Variants in ARID5B observed in about 807,000 individuals in gnomAD.
ARID5B encodes the protein AT-rich interaction domain 5B, also known as AT-rich interactive domain-containing protein 5B.
Under a neutral mutation model 97.2 loss-of-function variants are expected in ARID5B, and 13 were observed. The observed-to-expected ratio is 0.13, with a 90% CI of 0.09 to 0.21. The LOEUF is 0.21. Among genes scored for constraint, ARID5B ranks in the 10% least tolerant of loss-of-function variants. The pLI, the probability that ARID5B is intolerant of heterozygous loss-of-function variation, is 1.00. For synonymous variants in ARID5B, 556 were observed against 570.3 expected (o/e 0.97, Z 0.36); for missense variants, 1,210 against 1,465.3 (o/e 0.83, Z 2.84).
At chr10:62,034,190 T>C (rs1307748622) in intron 4 of ARID5B, among the ~76,000 whole-genome samples, 1 of 152,230 alleles carries the variant, frequency 6.6e-6, no homozygotes, top group Non-Finnish European at 1.5e-5. Flanking sequence ...TATAGCAGTT[T>C]ATTATTATAA....
chr10:61,975,874 G>A (rs1838692013), intron 3 of ARID5B, among the ~76,000 whole-genome samples: 2 of 152,090 alleles, frequency 1.3e-5, no homozygotes, highest in African/African-American at 4.8e-5. Context: ...TTTGAGTATG[G>A]AAACAATTTT....
intron 3 of ARID5B, among the ~76,000 whole-genome samples, chr10:61,952,319 T>C (rs1054883389): frequency 4.6e-5 from 7 of 152,252 alleles, no homozygotes; most frequent in African/African-American, 1.7e-4. Flanking sequence ...CTGAAGCCCT[T>C]CTCAGCCTTC....
At chr10:62,040,472 G>T (rs1023549861) in intron 4 of ARID5B, among the ~76,000 whole-genome samples, 3 of 151,974 alleles carry the variant, frequency 2.0e-5, no homozygotes, top group Non-Finnish European at 4.4e-5. Flanking sequence ...GATTATTCTA[G>T]CTTCAGATGT....
chr10:61,949,504 G>A lies in ARID5B; in HGVS notation c.502+9096G>A, dbSNP rs1202086697. Reference sequence around the variant, plus strand: ...AATACAAAATTAGACGGGTATGGTAGCACACATCCATAATCCCAGCTACTT... The same window carrying A: ...AATACAAAATTAGACGGGTATGGTAACACACATCCATAATCCCAGCTACTT... On this transcript the variant is annotated intron_variant, in intron 3 of 9. Coordinates refer to ENST00000279873, the MANE Select transcript of ARID5B (RefSeq NM_032199.3). Among the ~76,000 whole-genome samples the A allele has an allele frequency of 2.0e-5, 3 of 152,158 alleles. No homozygotes were observed. In the East Asian group the frequency reaches 5.8e-4, roughly 29 times the overall value.
rs144290238 is a variant in ARID5B at position 61,901,713 on chromosome 10, G to C, written c.4G>C (p.Glu2Gln). The C allele has an allele frequency of 5.0e-5, 80 of 1,613,754 alleles. No homozygotes were observed. Among genetic ancestry groups the C allele is most frequent in the Non-Finnish European group, 6.1e-5 (72 of 1,179,970 alleles). Reference protein sequence around the residue: MEPNSLQWVGSP... With the variant: MQPNSLQWVGSP... ...TCAATCAATTCAGAACGTCGAGATG[G>C]AGCCCAACTCACTCCAGGTATTTCG... The change falls in exon 1 of 10, where the codon GAG becomes CAG. Residue 2 changes from glutamate (E) to glutamine (Q), a missense_variant. Physicochemically the swap from Glu to Gln is conservative, Grantham distance 29. Around this residue, in one of 8 missense-constraint regions of ARID5B, gnomAD observed 80 missense variants for 133.2 expected, o/e 0.60. Coordinates refer to ENST00000279873, the MANE Select transcript of ARID5B (RefSeq NM_032199.3).
chr10:62,087,298 CAAAAAAAA>C (rs71299289), intron 9 of ARID5B, among the ~76,000 whole-genome samples: 38 of 40,932 alleles, frequency 9.3e-4, no homozygotes, highest in African/African-American at 3.7e-3. Flanking sequence ...GACTCTATCT[CAAAAAAAA>C]AAAAAAAAAA....
chr10:62,010,349 T>G (rs774470429), intron 4 of ARID5B, among the ~76,000 whole-genome samples: 7 of 152,178 alleles, frequency 4.6e-5, no homozygotes, highest in Non-Finnish European at 1.0e-4. Flanking sequence ...TTCAAAGATG[T>G]TTTTCCCCCT....
At chr10:62,002,594 C>A (rs1839094179) in intron 4 of ARID5B, among the ~76,000 whole-genome samples, 1 of 152,158 alleles carries the variant, frequency 6.6e-6, no homozygotes, top group Non-Finnish European at 1.5e-5. Context: ...CGGTCACAAC[C>A]TAAATTTCCA....
intron 9 of ARID5B, among the ~76,000 whole-genome samples, chr10:62,087,111 A>G (rs1840296458): frequency 6.6e-6 from 1 of 151,808 alleles, no homozygotes; most frequent in Non-Finnish European, 1.5e-5. Context: ...CATCCTGGCT[A>G]ATACGGTAAA....
Position 62,038,370 on chromosome 10 carries a change from T to TA in ARID5B, c.734-12505dup, listed in dbSNP as rs145509701. On this transcript the variant is annotated intron_variant, in intron 4 of 9. Transcript: ENST00000279873. ...TGTCAGAAACAAACTGTTCCTTATT[T>TA]AAAAAAAAAAAAAGAAAAGAAAAAA... Among the ~76,000 whole-genome samples, 531 of 142,232 alleles carry TA rather than the reference T, an allele frequency of 3.7e-3. 6 individuals are homozygous for TA. The highest frequency in any genetic ancestry group is 0.018 in the Admixed American group (264 of 14,278). The allele number at this position is 142,232 out of a possible 152,430, so 93.3% of individuals were successfully genotyped here.
chr10:61,981,743 G>C (rs189523563), intron 3 of ARID5B, among the ~76,000 whole-genome samples: 23 of 152,256 alleles, frequency 1.5e-4, no homozygotes, highest in Admixed American at 5.9e-4. Flanking sequence ...AGTTCCTCAA[G>C]TTTATGATCT....
chr10:62,083,626 T>A (rs1390886122), intron 8 of ARID5B, among the ~76,000 whole-genome samples: 1 of 152,250 alleles, frequency 6.6e-6, no homozygotes, highest in Non-Finnish European at 1.5e-5. Flanking sequence ...CAAATTGCTA[T>A]CATTGGAATA....
intron 2 of ARID5B, among the ~76,000 whole-genome samples, chr10:61,937,376 G>A (rs2132791872): frequency 6.6e-6 from 1 of 152,268 alleles, no homozygotes; most frequent in Non-Finnish European, 1.5e-5. Flanking sequence ...GTGACTTCTT[G>A]ACTGGATGAG....
intron 2 of ARID5B, among the ~76,000 whole-genome samples, chr10:61,917,391 A>G (rs1215420444): frequency 2.6e-5 from 4 of 152,076 alleles, no homozygotes. Context: ...CAGTGATGCC[A>G]TCTCGGCTCA....
At chr10:62,054,931 TC>T (rs1839835830) in intron 5 of ARID5B, among the ~76,000 whole-genome samples, 1 of 152,136 alleles carries the variant, frequency 6.6e-6, no homozygotes, top group African/African-American at 2.4e-5. Context: ...GCTAAATATC[TC>T]CCTTTTACAA....
chr10:61,908,799 C>CAAAAAA (rs369792859), intron 2 of ARID5B, among the ~76,000 whole-genome samples: 85 of 50,890 alleles, frequency 1.7e-3, no homozygotes, highest in East Asian at 3.3e-3. Flanking sequence ...GACTCCATCT[C>CAAAAAA]AAAAAAAAAA....
chr10:62,044,606 A>G (rs774185234), intron 4 of ARID5B, among the ~76,000 whole-genome samples: 4 of 152,112 alleles, frequency 2.6e-5, no homozygotes, highest in Admixed American at 6.5e-5. Flanking sequence ...TTCCCGGTCA[A>G]GCAATATTCC....
Position 61,940,387 on chromosome 10 carries a change from C to A in ARID5B, c.481C>A (p.Leu161Ile). 2 of 1,613,646 alleles carry A rather than the reference C, an allele frequency of 1.2e-6. No individual in the cohort carries two copies. The highest frequency in any genetic ancestry group is 2.2e-5 in the East Asian group (1 of 44,870). ...LNSGLNFKDV[L>I]KEKADLGEDE... is the part of the protein sequence containing the mutation. ...CAGTGGACTCAACTTCAAAGACGTT[C>A]TCAAGGAGAAGGCAGACCTGGGTAA... is the stretch of plus-strand genomic sequence containing the variant. The change falls in exon 3 of 10, where the codon CTC becomes ATC. Residue 161 changes from leucine to isoleucine, a missense_variant. By Grantham distance (5) the Leu-to-Ile change is conservative. Coordinates refer to ENST00000279873, the MANE Select transcript of ARID5B (RefSeq NM_032199.3).
rs1321169394 is a variant in ARID5B, at chr10:62,096,598, T to C, written c.*3568T>C. The stretch of plus-strand genomic sequence containing the variant: ...CATAATCTCTTGGCTGTTTATACTT[T>C]TTTAAACTTTCCTGTGTTGTAAATA... On this transcript the variant is annotated 3_prime_UTR_variant, in exon 10 of 10. Transcript: ENST00000279873. 1 of 233,500 alleles carries C rather than the reference T, an allele frequency of 4.3e-6. No homozygotes were observed. Among genetic ancestry groups the C allele is most frequent in the Non-Finnish European group, 8.5e-6 (1 of 118,014 alleles). 14.5% of individuals were successfully genotyped at this position (233,500 alleles called of 1,614,324 possible). A position where few individuals can be genotyped will look rare whatever the true frequency, so the allele number is the denominator to read the frequency against.
Sources: allele counts gnomAD v4.1 joint callset (sites outside exome capture counted in the v4.1 genomes callset), GRCh38; gene constraint gnomAD v4.1.1; regional missense constraint gnomAD v4.1.1; transcripts MANE v1.5; gene names NCBI Gene and HGNC (gene_info 2026-07-23, HGNC 2026-07-21).